Variants in MMD2 observed in about 807,000 individuals in gnomAD.
The protein encoded by MMD2 is monocyte to macrophage differentiation factor 2.
MMD2 carries 30 observed loss-of-function variants against 33.5 expected under a neutral mutation model. That is an observed-to-expected ratio of 0.90 (90% CI 0.67 to 1.22). MMD2 has a LOEUF of 1.22. Ranked by LOEUF, MMD2 falls within the 50% of genes most tolerant of loss-of-function variation. The pLI is 0.00. For missense variants in MMD2, 364 were observed against 325.4 expected (o/e 1.12, Z -0.91); for synonymous variants, 129 against 123.0 (o/e 1.05, Z -0.32).
At chr7:4,942,305 G>T (rs891722828) in intron 1 of MMD2, among the ~76,000 whole-genome samples, 2 of 150,078 alleles carry the variant, frequency 1.3e-5, no homozygotes, top group Admixed American at 6.7e-5. Flanking sequence ...TTGCCATGTT[G>T]CCCAGGCTGT....
At position 4,907,258 on chromosome 7, in the gene MMD2, C is replaced by T; in HGVS notation, c.*138G>A. ...GGGACTCGAGGGATGATCTGGCTGT[C>T]ACCAGAAGTCACCTTGGAGCCATCA... On this transcript the variant is annotated 3_prime_UTR_variant, in exon 7 of 7. Coordinates refer to ENST00000401401, the MANE Select transcript of MMD2 (RefSeq NM_198403.4). The T allele has an allele frequency of 2.6e-6, 2 of 771,240 alleles. No individual in the cohort carries two copies. The highest frequency in any genetic ancestry group is 3.5e-5 in the South Asian group (2 of 57,592). The allele number at this position is 771,240 out of a possible 1,614,324, so 47.8% of individuals were successfully genotyped here.
At chr7:4,945,185 T>TTTCCTCTTCTTC (rs1554273329) in intron 1 of MMD2, among the ~76,000 whole-genome samples, 1 of 93,480 alleles carries the variant, frequency 1.1e-5, no homozygotes, top group East Asian at 3.3e-4. Context: ...CCTCTTCCTC[T>TTTCCTCTTCTTC]TTCTTCTTCT....
intron 1 of MMD2, among the ~76,000 whole-genome samples, chr7:4,947,053 C>G (rs901093079): frequency 6.6e-6 from 1 of 151,976 alleles, no homozygotes; most frequent in African/African-American, 2.4e-5. Context: ...ACTGAAAATA[C>G]AAAAATTACC....
rs2942556 is a variant in MMD2 at position 4,941,927 on chromosome 7, T to C, written c.48-16395A>G. Among the ~76,000 whole-genome samples, 4 of 151,376 alleles carry C rather than the reference T, an allele frequency of 2.6e-5. No homozygotes were observed. In the East Asian group the frequency reaches 8.1e-4, roughly 31 times the overall value. On this transcript the variant is annotated intron_variant, in intron 1 of 6. Coordinates refer to ENST00000401401, the MANE Select transcript of MMD2 (RefSeq NM_198403.4). ...TTTAAAGATACATTTGTGGTGCAACTTTCCTGGTGCTGGTGGGAGGTCATT... is the reference window on the plus strand; with the variant it reads ...TTTAAAGATACATTTGTGGTGCAACCTTCCTGGTGCTGGTGGGAGGTCATT...
chr7:4,893,807 C>G, the MMD2 span, among the ~76,000 whole-genome samples: 2 of 152,110 alleles, frequency 1.3e-5, no homozygotes, highest in Non-Finnish European at 2.9e-5. Flanking sequence ...TATAGGGTAA[C>G]GTCTTGACAT....
chr7:4,909,413 CAGGG>C (rs1784948827), intron 6 of MMD2, among the ~76,000 whole-genome samples: 1 of 141,800 alleles, frequency 7.1e-6, no homozygotes, highest in Non-Finnish European at 1.5e-5. Flanking sequence ...CTAGGCAGCA[CAGGG>C]AGATCCTGCC....
chr7:4,926,118 C>A (rs892183470), intron 1 of MMD2, among the ~76,000 whole-genome samples: 2 of 145,216 alleles, frequency 1.4e-5, no homozygotes, highest in African/African-American at 5.2e-5. Context: ...TTTTTTCTTA[C>A]ACGGGGTCTC....
chr7:4,930,703 G>T (rs558559125), intron 1 of MMD2, among the ~76,000 whole-genome samples: 1 of 151,656 alleles, frequency 6.6e-6, no homozygotes, highest in African/African-American at 2.4e-5. Context: ...AGAGACACAC[G>T]GGGACGACAG....
At chr7:4,934,437 A>C (rs956883474) in intron 1 of MMD2, among the ~76,000 whole-genome samples, 3 of 152,208 alleles carry the variant, frequency 2.0e-5, no homozygotes, top group Admixed American at 2.0e-4. Flanking sequence ...TGCGTAGATA[A>C]AATTGAGACT....
chr7:4,919,867 G>T (rs2115102649), intron 3 of MMD2, among the ~76,000 whole-genome samples: 1 of 152,328 alleles, frequency 6.6e-6, no homozygotes, highest in South Asian at 2.1e-4. Context: ...CTGCACTCCT[G>T]CCTGGGCTAC....
chr7:4,894,291 C>T, the MMD2 span, among the ~76,000 whole-genome samples: 1 of 152,158 alleles, frequency 6.6e-6, no homozygotes, highest in Non-Finnish European at 1.5e-5. The surrounding 1 kb of genome is among the most constrained non-coding windows in gnomAD (Gnocchi z 4.3). Context: ...GAAGTCCAGG[C>T]CACACGCAGA....
the MMD2 span, among the ~76,000 whole-genome samples, chr7:4,899,262 T>C: frequency 1.3e-5 from 2 of 152,192 alleles, no homozygotes; most frequent in Non-Finnish European, 2.9e-5. Flanking sequence ...ACCCAGTCTA[T>C]GGTATTTTGT....
At position 4,946,102 on chromosome 7, in the gene MMD2, TGCACACGC is replaced by T. The variant is rs913903397; in HGVS notation, c.47+12861_47+12868del. Among the ~76,000 whole-genome samples the T allele has an allele frequency of 2.0e-5, 3 of 149,310 alleles. No individual in the cohort carries two copies. Among genetic ancestry groups the T allele is most frequent in the South Asian group, 2.1e-4 (1 of 4,756 alleles). On this transcript the variant is annotated intron_variant, in intron 1 of 6. Transcript: ENST00000401401. The surrounding 1 kb of genome is among the most constrained non-coding windows in gnomAD (Gnocchi z 5.0). The stretch of plus-strand genomic sequence containing the variant: ...ACGCACACGCACGCACACACACGCA[TGCACACGC>T]GCACACGCACGCACACACCTGCACA...
At chr7:4,924,561 G>C (rs546332972) in intron 2 of MMD2, among the ~76,000 whole-genome samples, 15 of 152,344 alleles carry the variant, frequency 9.8e-5, no homozygotes, top group Non-Finnish European at 2.1e-4. Flanking sequence ...GAATGAATGT[G>C]TGATGGACAG....
rs1786469067 is a variant in MMD2 at position 4,959,074 on chromosome 7, C to G, written c.-57G>C. 1 of 1,233,604 alleles carries G rather than the reference C, an allele frequency of 8.1e-7. No individual in the cohort carries two copies. Among genetic ancestry groups the G allele is most frequent in the African/African-American group, 1.6e-5 (1 of 63,712 alleles). The allele number at this position is 1,233,604 out of a possible 1,614,324, so 76.4% of individuals were successfully genotyped here. On this transcript the variant is annotated 5_prime_UTR_variant, in exon 1 of 7. Transcript: ENST00000401401. ...CTCAGAGCGCGGGTAGCTGGCAGAG[C>G]CTGGGGGGCGCGGCGGCGGCAGCAG...
chr7:4,911,780 C>T (rs1785017416), intron 4 of MMD2, among the ~76,000 whole-genome samples: 1 of 152,030 alleles, frequency 6.6e-6, no homozygotes, highest in Admixed American at 6.6e-5. Context: ...TCCTGAGTAG[C>T]TGGGATTACA....
At position 4,920,167 on chromosome 7, in the gene MMD2, G is replaced by A. The variant is rs540555882; in HGVS notation, c.290+4C>T. On this transcript the variant is annotated splice_donor_region_variant and intron_variant, in intron 3 of 6. Transcript: ENST00000401401. ...GGCATGGGTCCCCTCTGGGCGGGAG[G>A]CACCTGAGGTGGCTCTTCTTCCAGG... is the stretch of plus-strand genomic sequence containing the variant. 2.3e-5 allele frequency: 36 copies of A among 1,556,646 alleles called. No individual in the cohort carries two copies. In the East Asian group the frequency reaches 8.7e-4, roughly 38 times the overall value.
At chr7:4,919,902 A>G (rs1426951148) in intron 3 of MMD2, among the ~76,000 whole-genome samples, 1 of 152,168 alleles carries the variant, frequency 6.6e-6, no homozygotes, top group East Asian at 1.9e-4. Flanking sequence ...TCTCAGAAAA[A>G]ACAAAAAGCA....
intron 6 of MMD2, among the ~76,000 whole-genome samples, chr7:4,908,635 C>A (rs562641672): frequency 2.6e-5 from 4 of 151,956 alleles, no homozygotes; most frequent in African/African-American, 7.2e-5. Context: ...CACGGTGGCT[C>A]ACGCCTATAA....
Sources: gnomAD v4.1 joint callset for allele counts (sites outside exome capture counted in the v4.1 genomes callset) on GRCh38, gnomAD v4.1.1 for gene constraint, Gnocchi (gnomAD v3.1) non-coding constraint, MANE v1.5 for transcripts, NCBI Gene and HGNC (gene_info 2026-07-23, HGNC 2026-07-21) for gene names.